The following PRTG variants were observed in gnomAD, a reference collection of about 807,000 sequenced individuals.
The protein encoded by PRTG is protogenin, also known as immunoglobulin superfamily, DCC subclass, member 5.
Under a neutral mutation model 122.5 loss-of-function variants are expected in PRTG, and 67 were observed. The ratio of observed to expected loss-of-function variants is 0.55; its 90% CI spans 0.45 to 0.67. The LOEUF (loss-of-function observed/expected upper bound fraction) is 0.67. Ranked by LOEUF, PRTG falls within the 30% of genes least tolerant of loss-of-function variation. The probability of loss-of-function intolerance (pLI) is 0.00; values close to 1 mark genes in which losing one functional copy is unlikely to be tolerated. For missense variants in PRTG, 1,435 were observed against 1,415.4 expected (o/e 1.01, Z -0.22); for synonymous variants, 554 against 501.1 (o/e 1.11, Z -1.41).
intron 2 of PRTG, among the ~76,000 whole-genome samples, chr15:55,732,653 C>T (rs1429179118): frequency 6.6e-6 from 1 of 152,018 alleles, no homozygotes; most frequent in Admixed American, 6.6e-5. Context: ...TGCCACCACA[C>T]CCGGCTAGTT....
intron 2 of PRTG, among the ~76,000 whole-genome samples, chr15:55,703,425 T>A (rs576025592): frequency 1.5e-4 from 23 of 152,148 alleles, no homozygotes; most frequent in African/African-American, 5.5e-4. Flanking sequence ...AGATCAGAAG[T>A]AACTAGGGCT....
intron 17 of PRTG, among the ~76,000 whole-genome samples, chr15:55,626,290 T>G (rs1478793860): frequency 6.6e-6 from 1 of 151,776 alleles, no homozygotes; most frequent in Non-Finnish European, 1.5e-5. Flanking sequence ...GCGCTTGTAA[T>G]GCCAGCTACT....
chr15:55,637,496 C>T (rs2059264539), intron 14 of PRTG, among the ~76,000 whole-genome samples, 156 bp from the exon 15 acceptor site: 1 of 152,092 alleles, frequency 6.6e-6, no homozygotes, highest in African/African-American at 2.4e-5. Flanking sequence ...ACTAAAGTAC[C>T]ATTTTTCTTC....
chr15:55,666,242 A>G (rs2059438752), intron 11 of PRTG, among the ~76,000 whole-genome samples: 1 of 152,212 alleles, frequency 6.6e-6, no homozygotes, highest in African/African-American at 2.4e-5. Flanking sequence ...GGTAGAGAGC[A>G]TGCTCTGGGC....
intron 2 of PRTG, among the ~76,000 whole-genome samples, chr15:55,706,046 G>A (rs2030099513): frequency 2.2e-5 from 1 of 44,738 alleles, no homozygotes; most frequent in Non-Finnish European, 5.5e-5. Flanking sequence ...ATTTTTAGTA[G>A]AGACGGGATT....
intron 11 of PRTG, among the ~76,000 whole-genome samples, chr15:55,646,471 C>T (rs906329701): frequency 8.6e-5 from 13 of 151,870 alleles, no homozygotes; most frequent in Non-Finnish European, 1.2e-4. Context: ...TACAGGCGCC[C>T]GCCACCACGC....
In PRTG at chr15:55,621,678, C is replaced by A. The variant is rs550656785; in HGVS notation, c.3094-911G>T. 6.6e-5 allele frequency among the ~76,000 whole-genome samples: 10 copies of A among 152,052 alleles called. No individual in the cohort carries two copies. The South Asian group carries it at 2.1e-3, about 32-fold the overall frequency. ...CAAGACAAAACAAAACAAACAAACA[C>A]AAAACAGGTAGTACAACATAGTCAA... is the stretch of plus-strand genomic sequence containing the variant. On this transcript the variant is annotated intron_variant, in intron 18 of 19. Transcript: ENST00000389286.
intron 6 of PRTG, 114 bp from the exon 7 acceptor site, chr15:55,679,559 G>A: frequency 1.4e-6 from 1 of 732,168 alleles, no homozygotes; most frequent in South Asian, 1.9e-5. Context: ...TGCCTGACAT[G>A]CTGAGCTCCT....
intron 2 of PRTG, among the ~76,000 whole-genome samples, chr15:55,733,881 G>T (rs568691931): frequency 6.6e-6 from 1 of 152,198 alleles, no homozygotes; most frequent in East Asian, 1.9e-4. Context: ...GTTCTCCAAG[G>T]AATACATTTA....
Position 55,612,110 on chromosome 15 carries a change from T to G in PRTG, c.*7902A>C, listed in dbSNP as rs552048503. On this transcript the variant is annotated 3_prime_UTR_variant, in exon 20 of 20. Transcript: ENST00000389286. Reference sequence around the variant, plus strand: ...TCTTAACATATGTCCTCTACTCTACTGATAGGCTAAGGCAATGTGTGTGTA... The same window carrying G: ...TCTTAACATATGTCCTCTACTCTACGGATAGGCTAAGGCAATGTGTGTGTA... 16 of 152,290 alleles carry G rather than the reference T, an allele frequency of 1.1e-4. No homozygotes were observed. Among genetic ancestry groups the G allele is most frequent in the Non-Finnish European group, 2.1e-4 (14 of 67,966 alleles). 9.4% of individuals were successfully genotyped at this position (152,290 alleles called of 1,614,324 possible). A position where few individuals can be genotyped will look rare whatever the true frequency, so the allele number is the denominator to read the frequency against.
At chr15:55,739,581 G>A (rs1488114686) in intron 2 of PRTG, among the ~76,000 whole-genome samples, 1 of 152,144 alleles carries the variant, frequency 6.6e-6, no homozygotes, top group African/African-American at 2.4e-5. Flanking sequence ...TGAGAGCTGC[G>A]TGTTTCATCA....
chr15:55,647,991 C>T (rs2059333461), intron 11 of PRTG, among the ~76,000 whole-genome samples: 3 of 152,200 alleles, frequency 2.0e-5, no homozygotes. Context: ...GCTGCTTTGG[C>T]AACCATGTCA....
chr15:55,665,271 AAAG>A (rs547921306), intron 11 of PRTG, among the ~76,000 whole-genome samples: 5 of 152,086 alleles, frequency 3.3e-5, no homozygotes, highest in Admixed American at 2.6e-4. Flanking sequence ...AAAAAAAGAA[AAAG>A]AAGAAGAAAG....
intron 11 of PRTG, among the ~76,000 whole-genome samples, chr15:55,649,850 T>C (rs1244021855): frequency 1.3e-5 from 2 of 152,012 alleles, no homozygotes; most frequent in African/African-American, 4.8e-5. Context: ...ATAATTGCTA[T>C]TAGCATCCTA....
In PRTG at chr15:55,682,404, G is replaced by A; in HGVS notation, c.636C>T (p.His212=). 6.2e-7 allele frequency: 1 copy of A among 1,605,348 alleles called. No homozygotes were observed. The highest frequency in any genetic ancestry group is 1.3e-5 in the African/African-American group (1 of 74,602). The change falls in exon 4 of 20, where the codon CAC becomes CAT. Residue 212 remains histidine, a synonymous_variant. Transcript: ENST00000389286. The stretch of plus-strand genomic sequence containing the variant: ...GCGAGGCCTCCATACTTTTACGTCG[G>A]TGGGCTACAGTGGCAGCAATACAAC... ...NYRCIAATVA[H]RRKSMEASLT... is the part of the protein sequence containing the mutation.
chr15:55,694,602 A>G (rs2059621950), intron 2 of PRTG, among the ~76,000 whole-genome samples: 1 of 152,174 alleles, frequency 6.6e-6, no homozygotes, highest in Non-Finnish European at 1.5e-5. Flanking sequence ...ATATATCATG[A>G]TAGTTTTAAA....
intron 14 of PRTG, among the ~76,000 whole-genome samples, chr15:55,638,263 T>C (rs2059269049): frequency 6.6e-6 from 1 of 152,210 alleles, no homozygotes; most frequent in Admixed American, 6.5e-5. Flanking sequence ...ATTTAAAATT[T>C]TTTGGCTGCA....
At chr15:55,621,733 T>C (rs942173673) in intron 18 of PRTG, among the ~76,000 whole-genome samples, 4 of 152,168 alleles carry the variant, frequency 2.6e-5, no homozygotes, top group Non-Finnish European at 4.4e-5. Context: ...AACAATATAA[T>C]AGGTTTATTT....
chr15:55,684,250 A>C (rs1036600621), intron 2 of PRTG, among the ~76,000 whole-genome samples: 1 of 152,358 alleles, frequency 6.6e-6, no homozygotes, highest in South Asian at 2.1e-4. Context: ...TGTGGTACAA[A>C]CTTCAAATAC....
Sources: gnomAD v4.1 joint callset for allele counts (sites outside exome capture counted in the v4.1 genomes callset) on GRCh38, gnomAD v4.1.1 for gene constraint, MANE v1.5 for transcripts, NCBI Gene and HGNC (gene_info 2026-07-23, HGNC 2026-07-21) for gene names.